EFCAB14: variants seen among roughly 807,000 people sequenced by gnomAD.
The protein encoded by EFCAB14 is EF-hand calcium binding domain 14, also known as EF-hand calcium-binding domain-containing protein 14.
In EFCAB14, 43 loss-of-function variants were observed where a neutral mutation model predicts 56.5. The ratio of observed to expected loss-of-function variants is 0.76; its 90% confidence interval spans 0.60 to 0.98. The LOEUF is 0.98. Ranked by LOEUF, EFCAB14 falls within the 50% of genes least tolerant of loss-of-function variation. The pLI is 0.00. For synonymous variants in EFCAB14, 235 were observed against 212.9 expected, an observed-to-expected ratio of 1.10 and a Z score of -0.90; for missense variants, 538 against 580.3, an observed-to-expected ratio of 0.93 and a Z score of 0.75.
rs1293095461 is a variant in EFCAB14 at position 46,696,641 on chromosome 1, C to A, written c.489G>T (p.Leu163=). 4.3e-6 allele frequency: 7 copies of A among 1,613,114 alleles called. No individual in the cohort carries two copies. Among genetic ancestry groups the A allele is most frequent in the Non-Finnish European group, 5.9e-6 (7 of 1,179,424 alleles). Residue 163 remains leucine (L), a synonymous_variant, in exon 4 of 11, where the codon CTG becomes CTT. Coordinates refer to ENST00000371933, the MANE Select transcript of EFCAB14 (RefSeq NM_014774.3). The part of the protein sequence containing the change: ...NITEMNKQIS[L]LTSAVNHLKA... ...TGAGGTGGTTCACTGCAGAAGTCAA[C>A]AGAGAAATCTGAACAAAAAAGAGTA...
At chr1:46,716,585 C>T (rs1677398953) in intron 1 of EFCAB14, 142 bp from the exon 2 acceptor site, 1 of 897,190 alleles carries the variant, frequency 1.1e-6, no homozygotes, top group African/African-American at 1.7e-5. Context: ...GGGTAAAGCA[C>T]TTAAATGAAT....
chr1:46,678,275 A>G lies in EFCAB14; in HGVS notation c.*186T>C, dbSNP rs539245662. The G allele has an allele frequency of 2.0e-4, 94 of 471,702 alleles. No homozygotes were observed. Among genetic ancestry groups the G allele is most frequent in the African/African-American group, 1.1e-3 (54 of 49,612 alleles). 29.2% of individuals were successfully genotyped at this position (471,702 alleles called of 1,614,324 possible). On this transcript the variant is annotated 3_prime_UTR_variant, in exon 11 of 11. Coordinates refer to ENST00000371933, the MANE Select transcript of EFCAB14 (RefSeq NM_014774.3). Reference sequence around the variant, plus strand: ...AGGAAATCATAGATTTCTGAACATCATAAGTAAAATGGTCTTCTTCTTTAA... The same window carrying G: ...AGGAAATCATAGATTTCTGAACATCGTAAGTAAAATGGTCTTCTTCTTTAA...
At position 46,676,845 on chromosome 1, in the gene EFCAB14, T is replaced by C. The variant is rs1405169550; in HGVS notation, c.*1616A>G. On this transcript the variant is annotated 3_prime_UTR_variant, in exon 11 of 11. Coordinates refer to ENST00000371933, the MANE Select transcript of EFCAB14 (RefSeq NM_014774.3). ...TCTGGAAAAAAAATTTAAGTTTGGT[T>C]AATACCAAGCTGAACATCATGTAAA... is the stretch of plus-strand genomic sequence containing the variant. 2 of 152,000 alleles carry C rather than the reference T, an allele frequency of 1.3e-5. No individual in the cohort carries two copies. The highest frequency in any genetic ancestry group is 4.8e-5 in the African/African-American group (2 of 41,304). The allele number at this position is 152,000 out of a possible 1,614,324, so 9.4% of individuals were successfully genotyped here.
At chr1:46,685,832 G>A (rs891360891) in intron 8 of EFCAB14, among the ~76,000 whole-genome samples, 1 of 151,900 alleles carries the variant, frequency 6.6e-6, no homozygotes, top group Non-Finnish European at 1.5e-5. Context: ...TCTAGGTGAG[G>A]TTTAAAAAAA....
rs963465840 is a variant in EFCAB14, at chr1:46,675,648, G to C, written c.*2813C>G. ...AGGAATCTCCAACAGAAGGGACAAT[G>C]GCCAGCAGTAGGTGAAGGGAACCCA... On this transcript the variant is annotated 3_prime_UTR_variant, in exon 11 of 11. Coordinates refer to ENST00000371933, the MANE Select transcript of EFCAB14 (RefSeq NM_014774.3). 3.9e-5 allele frequency: 6 copies of C among 152,242 alleles called. No individual in the cohort carries two copies. Among genetic ancestry groups the C allele is most frequent in the Non-Finnish European group, 8.8e-5 (6 of 68,078 alleles). The allele number at this position is 152,242 out of a possible 1,614,324, so 9.4% of individuals were successfully genotyped here.
In EFCAB14 at chr1:46,718,130, A is replaced by G; in HGVS notation, c.-43T>C. The G allele has an allele frequency of 6.3e-7, 1 of 1,597,200 alleles. No individual in the cohort carries two copies. The highest frequency in any genetic ancestry group is 8.6e-7 in the Non-Finnish European group (1 of 1,168,876). Reference sequence around the variant, plus strand: ...GTGGAGCCCCGACTCCTGAGCTGCCAGGTTCGTACCCGATGCCCAATTCTC... The same window carrying G: ...GTGGAGCCCCGACTCCTGAGCTGCCGGGTTCGTACCCGATGCCCAATTCTC... On this transcript the variant is annotated 5_prime_UTR_variant, in exon 1 of 11. Coordinates refer to ENST00000371933, the MANE Select transcript of EFCAB14 (RefSeq NM_014774.3).
At chr1:46,716,532 A>G in intron 1 of EFCAB14, 89 bp from the exon 2 acceptor site, 1 of 1,464,416 alleles carries the variant, frequency 6.8e-7, no homozygotes, top group Non-Finnish European at 9.4e-7. Flanking sequence ...CCATGCAATT[A>G]TCTCCTTTAA....
At chr1:46,693,665 G>A (rs1450172549) in intron 4 of EFCAB14, among the ~76,000 whole-genome samples, 4 of 152,122 alleles carry the variant, frequency 2.6e-5, no homozygotes, top group Non-Finnish European at 5.9e-5. Flanking sequence ...GATGCCAGAA[G>A]ATAGTAAGCT....
rs1271996499 is a variant in EFCAB14, at chr1:46,689,575, G to C, written c.795+12C>G. 22 of 1,613,062 alleles carry C rather than the reference G, an allele frequency of 1.4e-5. No individual in the cohort carries two copies. The East Asian group carries it at 4.9e-4, about 36-fold the overall frequency. On this transcript the variant is annotated intron_variant, in intron 6 of 10. Coordinates refer to ENST00000371933, the MANE Select transcript of EFCAB14 (RefSeq NM_014774.3). ...TGTGGTCACAGGGAGTTAAGCCAGA[G>C]ATAAAAAGCACCTGTTTCAAATTCT...
chr1:46,676,217 T>C lies in EFCAB14; in HGVS notation c.*2244A>G, dbSNP rs1490679192. ...GCAGGATGACAAAAATATTCATAGA[T>C]CTGAGAATGCAGTATAAACACCTCT... On this transcript the variant is annotated 3_prime_UTR_variant, in exon 11 of 11. Coordinates refer to ENST00000371933, the MANE Select transcript of EFCAB14 (RefSeq NM_014774.3). 3.3e-5 allele frequency: 5 copies of C among 152,198 alleles called. No individual in the cohort carries two copies. The highest frequency in any genetic ancestry group is 7.2e-5 in the African/African-American group (3 of 41,442). 9.4% of individuals were successfully genotyped at this position (152,198 alleles called of 1,614,324 possible).
chr1:46,688,240 A>G, intron 7 of EFCAB14, 113 bp downstream of exon 7: 1 of 1,013,772 alleles, frequency 9.9e-7, no homozygotes, highest in Non-Finnish European at 1.5e-6. Context: ...TAAGCACAAC[A>G]CAAATGTGTG....
At chr1:46,715,332 G>A (rs1287941919) in intron 2 of EFCAB14, among the ~76,000 whole-genome samples, 3 of 152,178 alleles carry the variant, frequency 2.0e-5, no homozygotes, top group African/African-American at 4.8e-5. Context: ...CAAGGGGCAA[G>A]AGGACGCTCA....
intron 3 of EFCAB14, among the ~76,000 whole-genome samples, chr1:46,701,390 T>A (rs1320697601): frequency 1.6e-5 from 1 of 61,928 alleles, no homozygotes; most frequent in Non-Finnish European, 2.7e-5. Context: ...CCTAATACTC[T>A]TATCAATTAT....
At chr1:46,696,445 A>G in intron 4 of EFCAB14, 106 bp downstream of exon 4, 8 of 1,069,378 alleles carry the variant, frequency 7.5e-6, no homozygotes, top group Non-Finnish European at 1.1e-5. Context: ...CTGATTTCAA[A>G]TGCTAGGCTT....
At chr1:46,704,430 T>C (rs1677206047) in intron 3 of EFCAB14, among the ~76,000 whole-genome samples, 1 of 148,440 alleles carries the variant, frequency 6.7e-6, no homozygotes, top group South Asian at 2.1e-4. Context: ...TGAGCTGTGA[T>C]TGCATCACTG....
intron 10 of EFCAB14, among the ~76,000 whole-genome samples, chr1:46,679,751 C>T (rs1311919548): frequency 6.6e-6 from 1 of 151,724 alleles, no homozygotes; most frequent in Admixed American, 6.6e-5. Context: ...GCTGGCATGA[C>T]AGGTGTGTAT....
At chr1:46,709,769 C>T (rs1677281438) in intron 2 of EFCAB14, among the ~76,000 whole-genome samples, 1 of 152,116 alleles carries the variant, frequency 6.6e-6, no homozygotes, top group Non-Finnish European at 1.5e-5. Context: ...GGGTGGATCA[C>T]CTGAGGTGAG....
intron 2 of EFCAB14, among the ~76,000 whole-genome samples, chr1:46,712,074 T>TAG (rs1677318070): frequency 6.6e-6 from 1 of 152,208 alleles, no homozygotes; most frequent in African/African-American, 2.4e-5. Context: ...ATAAGTGACT[T>TAG]GTCTAAGTTT....
chr1:46,716,417 A>T lies in EFCAB14; in HGVS notation c.212T>A (p.Ile71Asn). The stretch of plus-strand genomic sequence containing the variant: ...GACAAAACCACAGAGCGGATAACAG[A>T]TCTTGCAGCATCGTAAATAGTCTCC... ...AKGDYLRCCKICYPLCGFVIL... is the reference protein window; with the variant it reads ...AKGDYLRCCKNCYPLCGFVIL... Residue 71 changes from isoleucine to asparagine, a missense_variant, in exon 2 of 11, where the codon ATC becomes AAC. By Grantham distance (149) the Ile-to-Asn change is moderately radical (BLOSUM62 -3). Coordinates refer to ENST00000371933, the MANE Select transcript of EFCAB14 (RefSeq NM_014774.3). 1.2e-6 allele frequency: 2 copies of T among 1,614,184 alleles called. No individual in the cohort carries two copies. Among genetic ancestry groups the T allele is most frequent in the Non-Finnish European group, 1.7e-6 (2 of 1,180,024 alleles).
Sources: gnomAD v4.1 joint callset for allele counts (sites outside exome capture counted in the v4.1 genomes callset) on GRCh38, gnomAD v4.1.1 for gene constraint, MANE v1.5 for transcripts, NCBI Gene and HGNC (gene_info 2026-07-23, HGNC 2026-07-21) for gene names.